The following ANO2 variants were observed in gnomAD, a reference collection of about 807,000 sequenced individuals.
ANO2 encodes anoctamin 2, also known as anoctamin-2.
Under a neutral mutation model 124.2 loss-of-function variants are expected in ANO2, and 101 were observed. The observed-to-expected ratio is 0.81, with a 90% CI of 0.69 to 0.96. ANO2 has a LOEUF of 0.96. Among genes scored for constraint, ANO2 ranks in the 40% least tolerant of loss-of-function variants. The pLI, the probability that ANO2 is intolerant of heterozygous loss-of-function variation, is 0.00. For missense variants in ANO2, 1,293 were observed against 1,274.5 expected, an observed-to-expected ratio of 1.01 and a Z score of -0.22; for synonymous variants, 486 against 482.5, an observed-to-expected ratio of 1.01 and a Z score of -0.09.
At chr12:5,709,339 A>G (rs1185040105) in intron 14 of ANO2, among the ~76,000 whole-genome samples, 7 of 152,228 alleles carry the variant, frequency 4.6e-5, no homozygotes, top group Admixed American at 3.3e-4. Context: ...GCCATTGCCT[A>G]AGTTCTGGGC....
Position 5,599,200 on chromosome 12 carries a change from GT to G in ANO2, c.2233+283del, listed in dbSNP as rs1943808866. On this transcript the variant is annotated intron_variant, in intron 20 of 24. Transcript: ENST00000682330. ...AAGGGGCCTGAGAGATCAAACTTTA[GT>G]TTATAGATGAGGAGAGGAATCACAA... 2.0e-5 allele frequency among the ~76,000 whole-genome samples: 3 copies of G among 152,174 alleles called. No individual in the cohort carries two copies. The South Asian group carries it at 6.2e-4, about 32-fold the overall frequency.
At chr12:5,641,244 G>A (rs751156911) in intron 15 of ANO2, among the ~76,000 whole-genome samples, 1 of 151,930 alleles carries the variant, frequency 6.6e-6, no homozygotes, top group Non-Finnish European at 1.5e-5. Context: ...GGCAGGGGGA[G>A]GGATAGCATT....
At chr12:5,724,516 G>A (rs1950356087) in intron 14 of ANO2, among the ~76,000 whole-genome samples, 1 of 152,182 alleles carries the variant, frequency 6.6e-6, no homozygotes, top group South Asian at 2.1e-4. Flanking sequence ...CAATGTCCCA[G>A]CTTCCTGTTG....
At chr12:5,809,757 C>G (rs1451698072) in intron 7 of ANO2, among the ~76,000 whole-genome samples, 1 of 152,220 alleles carries the variant, frequency 6.6e-6, no homozygotes, top group Non-Finnish European at 1.5e-5. Context: ...AAGGTTTGCT[C>G]ATTGTTTTGT....
intron 3 of ANO2, among the ~76,000 whole-genome samples, chr12:5,919,713 T>C (rs1299415133): frequency 2.6e-5 from 4 of 151,614 alleles, no homozygotes; most frequent in Non-Finnish European, 5.9e-5. Flanking sequence ...TTTTTTCTTT[T>C]TTGAGACGGA....
At chr12:5,821,651 C>T (rs1477961860) in intron 7 of ANO2, among the ~76,000 whole-genome samples, 2 of 152,226 alleles carry the variant, frequency 1.3e-5, no homozygotes, top group African/African-American at 4.8e-5. Context: ...TAACTGCTCT[C>T]CTTTTGAGAG....
In ANO2 at chr12:5,847,306, A is replaced by G. The variant is rs114396358; in HGVS notation, c.633+6737T>C. Among the ~76,000 whole-genome samples the G allele has an allele frequency of 8.6e-3, 1,315 of 152,270 alleles. 16 individuals are homozygous for G. The highest frequency in any genetic ancestry group is 0.03 in the African/African-American group (1,249 of 41,534). ...GTCTTGAGGCTGCTGGAGCTTCTTC[A>G]TTGGCTTTCCTAGTTCTCAGGTCTT... On this transcript the variant is annotated intron_variant, in intron 4 of 24. Transcript: ENST00000682330.
intron 20 of ANO2, among the ~76,000 whole-genome samples, chr12:5,589,820 T>C (rs1047078298): frequency 6.6e-6 from 1 of 151,892 alleles, no homozygotes; most frequent in African/African-American, 2.4e-5. Flanking sequence ...GAGGGAGCTG[T>C]AGGGTGCGGA....
intron 14 of ANO2, among the ~76,000 whole-genome samples, chr12:5,726,354 C>T (rs548328323): frequency 6.6e-5 from 10 of 152,280 alleles, no homozygotes; most frequent in South Asian, 2.1e-4. Context: ...TGTGGGGTAG[C>T]GAATTTGTCT....
At chr12:5,575,259 C>T (rs1349581143) in intron 23 of ANO2, among the ~76,000 whole-genome samples, 1 of 152,188 alleles carries the variant, frequency 6.6e-6, no homozygotes, top group Non-Finnish European at 1.5e-5. Flanking sequence ...CAGACCATAG[C>T]CCCCTTGATG....
At chr12:5,741,282 TAC>T (rs143907630) in intron 12 of ANO2, among the ~76,000 whole-genome samples, 17,473 of 152,294 alleles carry the variant, frequency 0.11, 1,076 homozygotes, top group Admixed American at 0.17. Context: ...ACTGGTTGAA[TAC>T]ACAGTTACTT....
intron 7 of ANO2, among the ~76,000 whole-genome samples, chr12:5,821,330 G>A (rs961030071): frequency 7.9e-5 from 12 of 152,226 alleles, no homozygotes; most frequent in Non-Finnish European, 1.3e-4. Flanking sequence ...CCAAGAAAGA[G>A]GCACAACACA....
At chr12:5,676,889 A>G (rs903888111) in intron 14 of ANO2, among the ~76,000 whole-genome samples, 6 of 152,076 alleles carry the variant, frequency 3.9e-5, no homozygotes, top group Admixed American at 1.3e-4. Flanking sequence ...CCCTGTCTCT[A>G]CTAAAAGTAC....
At chr12:5,863,653 TG>T (rs1401503704) in intron 3 of ANO2, among the ~76,000 whole-genome samples, 1 of 152,216 alleles carries the variant, frequency 6.6e-6, no homozygotes, top group Non-Finnish European at 1.5e-5. Context: ...TTCACAGTGA[TG>T]GTTTTGAACA....
At chr12:5,748,639 T>C (rs1359292888) in intron 11 of ANO2, among the ~76,000 whole-genome samples, 1 of 152,136 alleles carries the variant, frequency 6.6e-6, no homozygotes, top group African/African-American at 2.4e-5. Flanking sequence ...CATTGATCTC[T>C]TACAGGATCA....
chr12:5,623,445 G>A (rs911911380), intron 16 of ANO2, among the ~76,000 whole-genome samples: 1 of 152,206 alleles, frequency 6.6e-6, no homozygotes. Context: ...TCTGTGCAGA[G>A]CCATTCCCAC....
intron 14 of ANO2, among the ~76,000 whole-genome samples, chr12:5,668,197 C>A (rs1432477338): frequency 6.6e-6 from 1 of 152,210 alleles, no homozygotes; most frequent in East Asian, 1.9e-4. Flanking sequence ...TGTTTCTCTG[C>A]AACCTCACCA....
chr12:5,665,473 C>G (rs887960435), intron 14 of ANO2, among the ~76,000 whole-genome samples: 4 of 152,202 alleles, frequency 2.6e-5, no homozygotes, highest in Admixed American at 6.5e-5. Context: ...AGATTCTTTT[C>G]CTCCCTCTTG....
chr12:5,933,735 C>T (rs1478295401), intron 1 of ANO2, among the ~76,000 whole-genome samples: 2 of 152,174 alleles, frequency 1.3e-5, no homozygotes, highest in Admixed American at 1.3e-4. Context: ...AAGAACATTC[C>T]TCTTTAGTCA....
Sources: allele counts gnomAD v4.1 joint callset (sites outside exome capture counted in the v4.1 genomes callset), GRCh38; gene constraint gnomAD v4.1.1; transcripts MANE v1.5; gene names NCBI Gene and HGNC (gene_info 2026-07-23, HGNC 2026-07-21).